Variants in UTS2B observed in about 807,000 individuals in gnomAD.
UTS2B encodes urotensin 2B.
A neutral mutation model predicts 19.2 loss-of-function variants in UTS2B; 21 were observed. The ratio of observed to expected loss-of-function variants is 1.09; its 90% CI spans 0.78 to 1.58. UTS2B has a LOEUF of 1.58. Among genes scored for constraint, UTS2B ranks in the 40% most tolerant of loss-of-function variants. UTS2B has a pLI of 0.00. For synonymous variants in UTS2B, 57 were observed against 50.2 expected (o/e 1.14, Z -0.58); for missense variants, 138 against 130.3 (o/e 1.06, Z -0.29).
intron 4 of UTS2B, among the ~76,000 whole-genome samples, chr3:191,298,952 C>T (rs1206077943): frequency 6.6e-6 from 1 of 152,206 alleles, no homozygotes; most frequent in East Asian, 1.9e-4. Flanking sequence ...TATGCCCCTG[C>T]TCTAGGGATC....
chr3:191,314,455 G>A (rs1420402243), intron 3 of UTS2B, among the ~76,000 whole-genome samples: 1 of 152,162 alleles, frequency 6.6e-6, no homozygotes, highest in Non-Finnish European at 1.5e-5. Flanking sequence ...GAGTATGAGA[G>A]GCTAAATTTC....
intron 4 of UTS2B, 67 bp from the exon 5 acceptor site, chr3:191,282,380 T>C (rs530234772): frequency 6.4e-5 from 33 of 517,778 alleles, no homozygotes; most frequent in South Asian, 5.3e-4. Context: ...GTAGTTAACA[T>C]GATTCACTAC....
chr3:191,310,521 T>C (rs1717270926), intron 3 of UTS2B, among the ~76,000 whole-genome samples: 1 of 152,236 alleles, frequency 6.6e-6, no homozygotes, highest in South Asian at 2.1e-4. Flanking sequence ...CTTTGGGCTA[T>C]GTGAATTGAC....
intron 8 of UTS2B, among the ~76,000 whole-genome samples, chr3:191,271,422 AT>A (rs1174060103): frequency 6.6e-6 from 1 of 152,150 alleles, no homozygotes; most frequent in African/African-American, 2.4e-5. Flanking sequence ...GCAGCACCCA[AT>A]TAAAGCCTTC....
intron 4 of UTS2B, among the ~76,000 whole-genome samples, chr3:191,285,240 G>A (rs1326425033): frequency 9.9e-5 from 15 of 152,000 alleles, no homozygotes; most frequent in South Asian, 6.2e-4. Context: ...GTTATTTTAC[G>A]TGATCAATGT....
At chr3:191,268,590 T>G in intron 8 of UTS2B, 149 bp from the exon 9 acceptor site, 1 of 552,090 alleles carries the variant, frequency 1.8e-6, no homozygotes, top group East Asian at 3.1e-5. Context: ...TGTGGATCTT[T>G]AAGTTAATCA....
At chr3:191,333,397 A>G (rs1718051026), upstream of UTS2B, among the ~76,000 whole-genome samples, 1 of 152,188 alleles carries the variant, frequency 6.6e-6, no homozygotes. Context: ...TGGTACCATC[A>G]GTGAACCCAG....
chr3:191,317,745 A>AT (rs752572971), intron 2 of UTS2B, among the ~76,000 whole-genome samples: 1 of 151,872 alleles, frequency 6.6e-6, no homozygotes, highest in Non-Finnish European at 1.5e-5. Context: ...CGCCCAACTA[A>AT]TTTTTTGTAT....
chr3:191,329,799 C>G (rs1210199582), intron 1 of UTS2B: 1 of 1,494,462 alleles, frequency 6.7e-7, no homozygotes, highest in African/African-American at 1.4e-5. Flanking sequence ...AGGGGCGTTG[C>G]CATTTCGGCT....
intron 5 of UTS2B, 41 bp downstream of exon 5, chr3:191,282,042 GAATT>G: frequency 7.5e-7 from 1 of 1,337,350 alleles, no homozygotes; most frequent in Non-Finnish European, 1.1e-6. Context: ...AGAAATAGAA[GAATT>G]ACTTACCCAC....
At position 191,301,925 on chromosome 3, in the gene UTS2B, C is replaced by CAAA. The variant is rs1455322291; in HGVS notation, c.-125+2566_-125+2567insTTT. Among the ~76,000 whole-genome samples, 4 of 152,058 alleles carry CAAA rather than the reference C, an allele frequency of 2.6e-5. No homozygotes were observed. The East Asian group carries it at 5.8e-4, about 22-fold the overall frequency. ...AGTCAATATTTATGGAGTTTTTATC[C>CAAA]TGCTTGTGTCAGAGGCATTTGAAAC... On this transcript the variant is annotated intron_variant, in intron 4 of 8. Coordinates refer to ENST00000340524, the MANE Select transcript of UTS2B (RefSeq NM_198152.5).
At position 191,267,371 on chromosome 3, in the gene UTS2B, A is replaced by G. The variant is rs1715962043; in HGVS notation, c.*1045T>C. 1 of 152,222 alleles carries G rather than the reference A, an allele frequency of 6.6e-6. No individual in the cohort carries two copies. 9.4% of individuals were successfully genotyped at this position (152,222 alleles called of 1,614,324 possible). A position where few individuals can be genotyped will look rare whatever the true frequency, so the allele number is the denominator to read the frequency against. ...CAACATAAACCTTAAGCTTATCATA[A>G]TTGACTTAGTAACAAGAACAAGGTG... On this transcript the variant is annotated 3_prime_UTR_variant, in exon 9 of 9. Coordinates refer to ENST00000340524, the MANE Select transcript of UTS2B (RefSeq NM_198152.5).
intron 5 of UTS2B, among the ~76,000 whole-genome samples, chr3:191,281,536 G>A (rs1716384601): frequency 6.6e-6 from 1 of 151,640 alleles, no homozygotes; most frequent in Non-Finnish European, 1.5e-5. Flanking sequence ...AGATGGAAAT[G>A]TGATAAACAA....
At chr3:191,345,884 G>A in the UTS2B span, among the ~76,000 whole-genome samples, 63 of 152,090 alleles carry the variant, frequency 4.1e-4, no homozygotes, top group Non-Finnish European at 7.5e-4. Context: ...TAAAACTTAT[G>A]CTTATTACCC....
the UTS2B span, among the ~76,000 whole-genome samples, chr3:191,337,380 A>T: frequency 6.6e-6 from 1 of 152,038 alleles, no homozygotes; most frequent in Non-Finnish European, 1.5e-5. Context: ...TACAGAGTTA[A>T]ATCATTTTTC....
At chr3:191,306,729 G>GCTCAAGCAATTCTCCTGC (rs1717150644) in intron 3 of UTS2B, among the ~76,000 whole-genome samples, 1 of 152,206 alleles carries the variant, frequency 6.6e-6, no homozygotes, top group Non-Finnish European at 1.5e-5. Flanking sequence ...CGCCTCCCGG[G>GCTCAAGCAATTCTCCTGC]CTCAAGCAAT....
chr3:191,316,998 C>T (rs549602645), intron 2 of UTS2B, among the ~76,000 whole-genome samples: 1 of 152,378 alleles, frequency 6.6e-6, no homozygotes, highest in South Asian at 2.1e-4. Context: ...CCGTTAGTCC[C>T]GCACTGCGTG....
chr3:191,305,725 T>C (rs889280440), intron 3 of UTS2B, among the ~76,000 whole-genome samples: 2 of 152,206 alleles, frequency 1.3e-5, no homozygotes, highest in Non-Finnish European at 2.9e-5. Flanking sequence ...GTCTTTGTCA[T>C]CAAACCTTTG....
intron 3 of UTS2B, among the ~76,000 whole-genome samples, chr3:191,313,725 CTTTTTTT>C (rs57398216): frequency 2.3e-4 from 25 of 109,130 alleles, no homozygotes; most frequent in Admixed American, 1.2e-3. Flanking sequence ...CTCCACTTTC[CTTTTTTT>C]TTTTTTTTTT....
Sources: gnomAD v4.1 joint callset for allele counts (sites outside exome capture counted in the v4.1 genomes callset) on GRCh38, gnomAD v4.1.1 for gene constraint, MANE v1.5 for transcripts, NCBI Gene and HGNC (gene_info 2026-07-23, HGNC 2026-07-21) for gene names.